The following FOXP1 variants were observed in gnomAD, a reference collection of about 807,000 sequenced individuals.
FOXP1 encodes the protein forkhead box P1, also known as forkhead box protein P1.
In FOXP1, 15 loss-of-function variants were observed where a neutral mutation model predicts 98.2. That is an observed-to-expected ratio of 0.15 (90% CI 0.10 to 0.24). The LOEUF (loss-of-function observed/expected upper bound fraction) is 0.24. Among genes scored for constraint, FOXP1 ranks in the 10% least tolerant of loss-of-function variants. The pLI is 1.00. For synonymous variants in FOXP1, 371 were observed against 314.5 expected, an observed-to-expected ratio of 1.18 and a Z score of -1.90; for missense variants, 633 against 848.5, an observed-to-expected ratio of 0.75 and a Z score of 3.15.
chr3:71,522,151 G>C (rs543126614), intron 2 of FOXP1, among the ~76,000 whole-genome samples: 8 of 152,308 alleles, frequency 5.3e-5, no homozygotes, highest in Admixed American at 1.3e-4. Flanking sequence ...AGTTCCGAGA[G>C]AGACACTGGC....
intron 6 of FOXP1, among the ~76,000 whole-genome samples, chr3:71,182,853 A>G (rs1483296198): frequency 6.6e-6 from 1 of 152,026 alleles, no homozygotes; most frequent in Non-Finnish European, 1.5e-5. Context: ...CTTAATGTAT[A>G]TAAAATAAAC....
chr3:71,574,381 T>A (rs2107827486), intron 2 of FOXP1: 1 of 152,356 alleles, frequency 6.6e-6, no homozygotes, highest in South Asian at 2.1e-4. Context: ...CAACTTTTAT[T>A]TAAATAACTC....
At chr3:71,089,192 A>G (rs1004223980) in intron 7 of FOXP1, among the ~76,000 whole-genome samples, 1 of 152,190 alleles carries the variant, frequency 6.6e-6, no homozygotes, top group Non-Finnish European at 1.5e-5. Flanking sequence ...TCTGTGACCA[A>G]TAAATATGGC....
chr3:71,172,110 A>G (rs2061681775), intron 6 of FOXP1, among the ~76,000 whole-genome samples: 1 of 152,116 alleles, frequency 6.6e-6, no homozygotes, highest in Admixed American at 6.5e-5. Context: ...TTGCTTAATC[A>G]TGGATATCGT....
chr3:71,567,756 T>C (rs2047015495), intron 2 of FOXP1: 2 of 151,976 alleles, frequency 1.3e-5, no homozygotes, highest in African/African-American at 4.8e-5. Context: ...ATCTCCTTAT[T>C]TAACAACTAA....
intron 2 of FOXP1, among the ~76,000 whole-genome samples, chr3:71,513,590 A>C (rs1268892317): frequency 6.6e-6 from 1 of 151,886 alleles, no homozygotes; most frequent in Non-Finnish European, 1.5e-5. Context: ...CAACACCTCC[A>C]CCTCTCGCAC....
chr3:70,982,770 C>T (rs994951489), intron 14 of FOXP1, among the ~76,000 whole-genome samples: 2 of 151,614 alleles, frequency 1.3e-5, no homozygotes, highest in Non-Finnish European at 2.9e-5. Context: ...TGATGAGTCA[C>T]TCACATTAAA....
At chr3:71,306,631 C>CAAAAAAAAAAAAAA (rs66479255) in intron 4 of FOXP1, among the ~76,000 whole-genome samples, 1 of 42,852 alleles carries the variant, frequency 2.3e-5, no homozygotes. Flanking sequence ...GAGAATAAGC[C>CAAAAAAAAAAAAAA]AAAAAAAAAA....
intron 2 of FOXP1, among the ~76,000 whole-genome samples, chr3:71,506,422 G>A (rs141209304): frequency 3.3e-5 from 5 of 152,044 alleles, no homozygotes; most frequent in Admixed American, 6.5e-5. Context: ...TCTGCTATTC[G>A]AATCCGCACA....
At chr3:71,293,371 G>A (rs1240790764) in intron 5 of FOXP1, among the ~76,000 whole-genome samples, 1 of 152,054 alleles carries the variant, frequency 6.6e-6, no homozygotes, top group Admixed American at 6.6e-5. Flanking sequence ...GGAGGCTGAG[G>A]CAGGAAGATC....
chr3:71,167,409 A>G (rs756121396), intron 6 of FOXP1, among the ~76,000 whole-genome samples: 17 of 152,232 alleles, frequency 1.1e-4, no homozygotes, highest in Non-Finnish European at 2.2e-4. Flanking sequence ...ATCCTTTAAT[A>G]ACAGGGCAGT....
chr3:71,213,587 G>A (rs1358948775), intron 5 of FOXP1, among the ~76,000 whole-genome samples: 2 of 152,188 alleles, frequency 1.3e-5, no homozygotes, highest in African/African-American at 4.8e-5. Context: ...AGAGGCCGAG[G>A]CAGGCGGATC....
chr3:71,162,515 C>T (rs2061189804), intron 6 of FOXP1, among the ~76,000 whole-genome samples: 1 of 152,234 alleles, frequency 6.6e-6, no homozygotes, highest in Non-Finnish European at 1.5e-5. Flanking sequence ...ACTGCCCATT[C>T]CAATCCAATA....
chr3:71,221,446 T>C (rs1225982424), intron 5 of FOXP1, among the ~76,000 whole-genome samples: 2 of 152,164 alleles, frequency 1.3e-5, no homozygotes, highest in Non-Finnish European at 2.9e-5. Flanking sequence ...TGGAGGATGA[T>C]ACGAAGATGG....
intron 3 of FOXP1, among the ~76,000 whole-genome samples, chr3:71,372,241 C>T (rs1258554907): frequency 6.7e-6 from 1 of 149,816 alleles, no homozygotes; most frequent in Non-Finnish European, 1.5e-5. Context: ...AAGGTGGTCT[C>T]GAACTCCTGA....
intron 6 of FOXP1, among the ~76,000 whole-genome samples, chr3:71,157,883 T>C (rs2060902399): frequency 6.6e-6 from 1 of 151,450 alleles, no homozygotes. Context: ...GGTCAGGAGT[T>C]TGAGACCAGC....
At chr3:71,088,860 AGTT>A in intron 7 of FOXP1, among the ~76,000 whole-genome samples, 2 of 152,192 alleles carry the variant, frequency 1.3e-5, no homozygotes, top group Non-Finnish European at 2.9e-5. Flanking sequence ...ACCTTAGTGC[AGTT>A]CATCTCTTTT....
chr3:71,014,073 C>G (rs571590808), intron 12 of FOXP1, among the ~76,000 whole-genome samples: 77 of 152,286 alleles, frequency 5.1e-4, no homozygotes, highest in African/African-American at 1.8e-3. Context: ...CTAGGCAATA[C>G]CATTCAGGGC....
At chr3:71,357,517 G>T (rs2107885504) in intron 4 of FOXP1, among the ~76,000 whole-genome samples, 1 of 152,298 alleles carries the variant, frequency 6.6e-6, no homozygotes, top group East Asian at 1.9e-4. Context: ...TGGTTGCTCA[G>T]TAAGCATTCA....
Sources: allele counts gnomAD v4.1 joint callset (sites outside exome capture counted in the v4.1 genomes callset), GRCh38; gene constraint gnomAD v4.1.1; transcripts MANE v1.5; gene names NCBI Gene and HGNC (gene_info 2026-07-23, HGNC 2026-07-21).